CDH10: variants seen among roughly 807,000 people sequenced by gnomAD.
The protein encoded by CDH10 is cadherin 10.
Under a neutral mutation model 73.1 loss-of-function variants are expected in CDH10, and 30 were observed. That is an observed-to-expected ratio of 0.41 (90% CI 0.31 to 0.56). The LOEUF is 0.56. Among genes scored for constraint, CDH10 ranks in the 20% least tolerant of loss-of-function variants. The pLI, the probability that CDH10 is intolerant of heterozygous loss-of-function variation, is 0.27. For synonymous variants in CDH10, 345 were observed against 348.2 expected, an observed-to-expected ratio of 0.99 and a Z score of 0.10; for missense variants, 815 against 973.7, an observed-to-expected ratio of 0.84 and a Z score of 2.17.
intron 5 of CDH10, 77 bp from the exon 6 acceptor site, chr5:24,511,591 G>GAGA: frequency 3.0e-6 from 2 of 658,418 alleles, no homozygotes; most frequent in East Asian, 2.9e-5. Context: ...GAGAGAGAGA[G>GAGA]ATTTCTCAAT....
At chr5:24,550,026 A>G (rs1744487314) in intron 2 of CDH10, among the ~76,000 whole-genome samples, 1 of 152,204 alleles carries the variant, frequency 6.6e-6, no homozygotes, top group South Asian at 2.1e-4. Flanking sequence ...TTTCAGGCCT[A>G]AGGAAAATGA....
intron 1 of CDH10, among the ~76,000 whole-genome samples, chr5:24,637,343 G>A (rs149893028): frequency 1.8e-4 from 27 of 152,046 alleles, no homozygotes; most frequent in African/African-American, 6.0e-4. Flanking sequence ...TATATCTAAT[G>A]GAAGATGAAA....
chr5:24,533,495 G>A (rs565692554), intron 5 of CDH10, among the ~76,000 whole-genome samples: 1 of 151,890 alleles, frequency 6.6e-6, no homozygotes, highest in Non-Finnish European at 1.5e-5. Flanking sequence ...TTAGACACAT[G>A]TGTATATATA....
intron 1 of CDH10, among the ~76,000 whole-genome samples, chr5:24,600,906 T>G (rs1395474401): frequency 6.6e-6 from 1 of 152,112 alleles, no homozygotes; most frequent in Non-Finnish European, 1.5e-5. Flanking sequence ...AGCTAATCCT[T>G]TAGCCACAAT....
intron 1 of CDH10, among the ~76,000 whole-genome samples, chr5:24,615,253 C>A (rs908410938): frequency 1.5e-4 from 23 of 152,192 alleles, no homozygotes; most frequent in Admixed American, 5.2e-4. Context: ...ATGGAAATCT[C>A]TTCTGCTCAC....
At chr5:24,563,176 A>C (rs12109932) in intron 2 of CDH10, among the ~76,000 whole-genome samples, 127,437 of 151,734 alleles carry the variant, frequency 0.84, 53,575 homozygotes, top group East Asian at 0.91. Flanking sequence ...AGTCCTTCCT[A>C]AATTTGAAGA....
Position 24,593,385 on chromosome 5 carries a change from T to G in CDH10, c.106A>C (p.Ile36Leu). The G allele has an allele frequency of 2.5e-6, 4 of 1,612,762 alleles. No individual in the cohort carries two copies. Among genetic ancestry groups the G allele is most frequent in the Non-Finnish European group, 3.4e-6 (4 of 1,178,896 alleles). Reference protein sequence around the residue: ...FRRTPVPQQRILSSRVPRSDG... With the variant: ...FRRTPVPQQRLLSSRVPRSDG... ...CTCCTTGGTACACGTGAACTTAAAA[T>G]TCTTTGCTGTGGCACAGGCGTCCTT... The change falls in exon 2 of 12, where the codon ATT (isoleucine) becomes CTT (leucine). Residue 36 changes from isoleucine (I) to leucine (L), a missense_variant. Around this residue, in one of 3 missense-constraint regions of CDH10, gnomAD observed 58 missense variants for 96.7 expected, o/e 0.60. Coordinates refer to ENST00000264463, the MANE Select transcript of CDH10 (RefSeq NM_006727.5).
chr5:24,606,083 A>T (rs1746751182), intron 1 of CDH10, among the ~76,000 whole-genome samples: 1 of 152,218 alleles, frequency 6.6e-6, no homozygotes, highest in Non-Finnish European at 1.5e-5. Context: ...AAGTGACAAG[A>T]GGTAACTCCC....
At chr5:24,541,534 A>G (rs1237726369) in intron 2 of CDH10, among the ~76,000 whole-genome samples, 3 of 152,056 alleles carry the variant, frequency 2.0e-5, no homozygotes, top group African/African-American at 7.2e-5. Flanking sequence ...AAGAGTTTAC[A>G]TTGCTGAGAA....
At chr5:24,623,493 TAAAC>T (rs1172662656) in intron 1 of CDH10, among the ~76,000 whole-genome samples, 1 of 152,186 alleles carries the variant, frequency 6.6e-6, no homozygotes, top group Non-Finnish European at 1.5e-5. Context: ...AGAAATAATT[TAAAC>T]AATCAGAGAA....
At position 24,535,729 on chromosome 5, in the gene CDH10, G is replaced by A. The variant is rs867383107; in HGVS notation, c.620C>T (p.Pro207Leu). ...RVIYSILQGQPYFSVEPETGI... is the reference protein window; with the variant it reads ...RVIYSILQGQLYFSVEPETGI... ...TGTTTCAGGCTCCACAGAGAAATAG[G>A]GCTGCCCTTGAAGTATGCTGTAAAT... is the stretch of plus-strand genomic sequence containing the variant. The change falls in exon 4 of 12, where the codon CCC (proline) becomes CTC (leucine). Residue 207 changes from proline to leucine, a missense_variant. Pro to Leu is a moderately conservative substitution (Grantham distance 98). This residue lies in a region of CDH10 where 516 missense variants were observed against 636.6 expected (regional missense o/e 0.81). Coordinates refer to ENST00000264463, the MANE Select transcript of CDH10 (RefSeq NM_006727.5). 6.2e-7 allele frequency: 1 copy of A among 1,611,492 alleles called. No homozygotes were observed. The highest frequency in any genetic ancestry group is 8.5e-7 in the Non-Finnish European group (1 of 1,178,454).
At chr5:24,593,703 A>G (rs1046576821) in intron 1 of CDH10, 90 bp from the exon 2 acceptor site, 4 of 515,712 alleles carry the variant, frequency 7.8e-6, no homozygotes, top group Non-Finnish European at 1.4e-5. Context: ...ATAGTTTATT[A>G]ATAACAACCA....
chr5:24,588,443 T>C (rs1287458606), intron 2 of CDH10, among the ~76,000 whole-genome samples: 1 of 152,184 alleles, frequency 6.6e-6, no homozygotes, highest in African/African-American at 2.4e-5. Flanking sequence ...GAACGTTTAG[T>C]CTCAAGAACA....
chr5:24,606,717 T>C (rs998256696), intron 1 of CDH10, among the ~76,000 whole-genome samples: 20 of 152,168 alleles, frequency 1.3e-4, no homozygotes, highest in African/African-American at 4.8e-4. Context: ...TTATCAAATA[T>C]TATTTTAATA....
In CDH10 at chr5:24,510,622, C is replaced by T. The variant is rs1742869568; in HGVS notation, c.1002+705G>A. 2.0e-5 allele frequency among the ~76,000 whole-genome samples: 3 copies of T among 152,202 alleles called. 1 individual carries two copies. The highest frequency in any genetic ancestry group is 7.2e-5 in the African/African-American group (3 of 41,452). On this transcript the variant is annotated intron_variant, in intron 6 of 11. Coordinates refer to ENST00000264463, the MANE Select transcript of CDH10 (RefSeq NM_006727.5). Reference sequence around the variant, plus strand: ...CAGCTGCTTTCCCATTTGCTAGTCACTGTCCATTTAATAACAGTTGGTTTT... The same window carrying T: ...CAGCTGCTTTCCCATTTGCTAGTCATTGTCCATTTAATAACAGTTGGTTTT...
chr5:24,555,169 C>T (rs1744722178), intron 2 of CDH10, among the ~76,000 whole-genome samples: 1 of 151,970 alleles, frequency 6.6e-6, no homozygotes, highest in African/African-American at 2.4e-5. Flanking sequence ...TCTTGGTTCC[C>T]CAGAGAGTGA....
Position 24,554,119 on chromosome 5 carries a change from G to GGAGAGAGAGAGAGAGAGAGAGAGA in CDH10, c.232-16446_232-16445insTCTCTCTCTCTCTCTCTCTCTCTC, listed in dbSNP as rs71605680. The GGAGAGAGAGAGAGAGAGAGAGAGA allele has an allele frequency of 1.8e-4, 7 of 39,786 alleles. 2 individuals are homozygous for GGAGAGAGAGAGAGAGAGAGAGAGA. The highest frequency in any genetic ancestry group is 1.3e-3 in the East Asian group (1 of 742). The allele number at this position is 39,786 out of a possible 1,614,324, so 2.5% of individuals were successfully genotyped here. On this transcript the variant is annotated intron_variant, in intron 2 of 11. Coordinates refer to ENST00000264463, the MANE Select transcript of CDH10 (RefSeq NM_006727.5). ...AGAGAAGGGGAGGTGGGCGGGGGGG[G>GGAGAGAGAGAGAGAGAGAGAGAGA]GAGAGAGAGAGACATTCAATCAGCC... is the stretch of plus-strand genomic sequence containing the variant.
intron 2 of CDH10, among the ~76,000 whole-genome samples, chr5:24,544,245 G>C (rs543151524): frequency 6.6e-6 from 1 of 152,214 alleles, no homozygotes; most frequent in African/African-American, 2.4e-5. Context: ...AGTAAGCCAA[G>C]ATCACGCCAC....
intron 1 of CDH10, among the ~76,000 whole-genome samples, chr5:24,643,335 C>A (rs1243984464): frequency 1.3e-5 from 2 of 151,996 alleles, no homozygotes; most frequent in Admixed American, 6.6e-5. Context: ...AATTAAAAAT[C>A]CTCACCATAC....
Sources: allele counts gnomAD v4.1 joint callset (sites outside exome capture counted in the v4.1 genomes callset), GRCh38; gene constraint gnomAD v4.1.1; regional missense constraint gnomAD v4.1.1; transcripts MANE v1.5; gene names NCBI Gene and HGNC (gene_info 2026-07-23, HGNC 2026-07-21).